The following MAPK8 variants were observed in gnomAD, a reference collection of about 807,000 sequenced individuals.
MAPK8 encodes the protein mitogen-activated protein kinase 8, also known as JUN N-terminal kinase.
MAPK8 carries 13 observed loss-of-function variants against 52.9 expected under a neutral mutation model. That is an observed-to-expected ratio of 0.25 (90% CI 0.16 to 0.39). The LOEUF (loss-of-function observed/expected upper bound fraction) is 0.39, where lower values mean the gene tolerates loss of function less well. MAPK8 is among the 10% of genes least tolerant of loss of function. MAPK8 has a pLI of 1.00. For synonymous variants in MAPK8, 191 were observed against 169.8 expected (o/e 1.12, Z -0.97); for missense variants, 300 against 519.2 (o/e 0.58, Z 4.10).
chr10:48,383,007 A>G (rs1309045592), intron 1 of MAPK8, among the ~76,000 whole-genome samples: 4 of 150,310 alleles, frequency 2.7e-5, no homozygotes, highest in South Asian at 4.2e-4. Flanking sequence ...ATTTCTGGCT[A>G]TAGACCTCTT....
At chr10:48,424,429 C>G in intron 7 of MAPK8, 1 of 847,788 alleles carries the variant, frequency 1.2e-6, no homozygotes, top group Non-Finnish European at 1.8e-6. Context: ...TTAAAGTATA[C>G]ATGGTGTGTG....
intron 10 of MAPK8, among the ~76,000 whole-genome samples, chr10:48,428,820 T>C (rs569727702): frequency 6.6e-6 from 1 of 152,052 alleles, no homozygotes; most frequent in East Asian, 1.9e-4. Flanking sequence ...GGTTGTTTTT[T>C]TTGTTTGTTT....
At chr10:48,355,704 A>G (rs1416505727) in intron 1 of MAPK8, among the ~76,000 whole-genome samples, 1 of 152,224 alleles carries the variant, frequency 6.6e-6, no homozygotes, top group African/African-American at 2.4e-5. Flanking sequence ...GGTAAACAAC[A>G]GTTAAAAGAA....
chr10:48,349,719 G>C (rs1225721689), intron 1 of MAPK8, among the ~76,000 whole-genome samples: 1 of 152,080 alleles, frequency 6.6e-6, no homozygotes, highest in African/African-American at 2.4e-5. Context: ...AACTAGAGAA[G>C]CAAGACGAAA....
At chr10:48,416,667 C>G (rs2043080775) in intron 5 of MAPK8, among the ~76,000 whole-genome samples, 1 of 152,176 alleles carries the variant, frequency 6.6e-6, no homozygotes, top group South Asian at 2.1e-4. Context: ...CCAGTGTTAT[C>G]ACAGTGAACA....
At chr10:48,390,517 A>T (rs1256800219) in intron 1 of MAPK8, among the ~76,000 whole-genome samples, 1 of 152,164 alleles carries the variant, frequency 6.6e-6, no homozygotes, top group African/African-American at 2.4e-5. Context: ...GTATTACCTG[A>T]ATTATTTTCC....
At chr10:48,346,719 A>G (rs976263363) in intron 1 of MAPK8, among the ~76,000 whole-genome samples, 1 of 152,190 alleles carries the variant, frequency 6.6e-6, no homozygotes, top group Admixed American at 6.5e-5. Context: ...TTCATGTTCC[A>G]TCCTGTACAC....
chr10:48,403,860 C>T (rs984777371), intron 2 of MAPK8, among the ~76,000 whole-genome samples: 17 of 150,618 alleles, frequency 1.1e-4, no homozygotes, highest in South Asian at 2.1e-4. Context: ...GCCATTCTCC[C>T]GCCTCAGCCT....
At position 48,339,890 on chromosome 10, in the gene MAPK8, TAATAA is replaced by T. The variant is rs1266813980; in HGVS notation, c.-50+33075_-50+33079del. On this transcript the variant is annotated intron_variant, in intron 1 of 11. Transcript: ENST00000374189. The stretch of plus-strand genomic sequence containing the variant: ...CAGTTAGATGGCTGTTATTAAAAAG[TAATAA>T]AATAAGACATGTTGGTGAGGATGCA... 2.0e-5 allele frequency among the ~76,000 whole-genome samples: 3 copies of T among 152,010 alleles called. 1 individual carries two copies. Among genetic ancestry groups the T allele is most frequent in the Non-Finnish European group, 4.4e-5 (3 of 67,950 alleles).
chr10:48,398,524 C>T (rs145245626), intron 1 of MAPK8, among the ~76,000 whole-genome samples: 76 of 152,258 alleles, frequency 5.0e-4, no homozygotes, highest in African/African-American at 1.8e-3. Flanking sequence ...GGCCTCTTTG[C>T]AAGACAGTTT....
intron 1 of MAPK8, among the ~76,000 whole-genome samples, chr10:48,357,434 A>G (rs913645442): frequency 6.6e-6 from 1 of 152,048 alleles, no homozygotes; most frequent in African/African-American, 2.4e-5. Context: ...TCGCTCTTTT[A>G]CCTATGCTGG....
At chr10:48,350,255 G>A (rs923776087) in intron 1 of MAPK8, among the ~76,000 whole-genome samples, 2 of 152,032 alleles carry the variant, frequency 1.3e-5, no homozygotes, top group Admixed American at 6.6e-5. Flanking sequence ...AGACTTCTCC[G>A]TAACTCATTT....
chr10:48,424,104 G>T lies in MAPK8; in HGVS notation c.633G>T (p.Val211=). The change falls in exon 7 of 12, where the codon GTG becomes GTT. Residue 211 remains valine (V), a synonymous_variant. Transcript: ENST00000374189. ...AACATATAGTGGATTTATGGTCTGT[G>T]GGGTGCATTATGGGAGAAATGGTTT... ...GYKENVDLWS[V]GCIMGEMVCH... 6.2e-7 allele frequency: 1 copy of T among 1,613,222 alleles called. No individual in the cohort carries two copies. Among genetic ancestry groups the T allele is most frequent in the Middle Eastern group, 1.7e-4 (1 of 6,056 alleles).
At chr10:48,354,984 G>A (rs2132470571) in intron 1 of MAPK8, among the ~76,000 whole-genome samples, 1 of 152,198 alleles carries the variant, frequency 6.6e-6, no homozygotes, top group East Asian at 1.9e-4. Flanking sequence ...AACTGTGATA[G>A]TCAAAAAGAA....
intron 1 of MAPK8, among the ~76,000 whole-genome samples, chr10:48,346,165 A>C (rs1434700554): frequency 2.6e-5 from 4 of 152,224 alleles, no homozygotes; most frequent in Admixed American, 2.0e-4. Flanking sequence ...GAGACAGGGG[A>C]CACGAGCTGT....
chr10:48,320,872 C>T (rs1454373954), intron 1 of MAPK8, among the ~76,000 whole-genome samples: 2 of 152,128 alleles, frequency 1.3e-5, no homozygotes, highest in East Asian at 3.9e-4. Context: ...TTCTCCACAT[C>T]CTATTCAAGC....
At chr10:48,363,038 G>A (rs1409721534) in intron 1 of MAPK8, among the ~76,000 whole-genome samples, 2 of 151,936 alleles carry the variant, frequency 1.3e-5, no homozygotes, top group East Asian at 1.9e-4. Context: ...CACACCTAGC[G>A]TGGTATTTAT....
chr10:48,434,757 G>A lies in MAPK8; in HGVS notation c.1139-127G>A, dbSNP rs560204430. ...AGTTAGTGTGTTGGATATCATTTGCGATTATTTTTAGTGAGCCTTCGAAAC... is the reference window on the plus strand; with the variant it reads ...AGTTAGTGTGTTGGATATCATTTGCAATTATTTTTAGTGAGCCTTCGAAAC... On this transcript the variant is annotated intron_variant, in intron 11 of 11. Transcript: ENST00000374189. 22 of 663,490 alleles carry A rather than the reference G, an allele frequency of 3.3e-5. No individual in the cohort carries two copies. The Admixed American group carries it at 4.5e-4, about 14-fold the overall frequency. The allele number at this position is 663,490 out of a possible 1,614,324, so 41.1% of individuals were successfully genotyped here.
chr10:48,386,377 C>A (rs1427096427), intron 1 of MAPK8, among the ~76,000 whole-genome samples: 1 of 152,078 alleles, frequency 6.6e-6, no homozygotes, highest in Non-Finnish European at 1.5e-5. Context: ...ATCAATTTTT[C>A]TTAGATTTAA....
Sources: gnomAD v4.1 joint callset for allele counts (sites outside exome capture counted in the v4.1 genomes callset) on GRCh38, gnomAD v4.1.1 for gene constraint, MANE v1.5 for transcripts, NCBI Gene and HGNC (gene_info 2026-07-23, HGNC 2026-07-21) for gene names.